Variants in CWF19L2 observed in about 807,000 individuals in gnomAD.
CWF19L2 encodes CWF19 like cell cycle control factor 2.
Under a neutral mutation model 111.7 loss-of-function variants are expected in CWF19L2, and 98 were observed. That is an observed-to-expected ratio of 0.88 (90% CI 0.75 to 1.04). The LOEUF (loss-of-function observed/expected upper bound fraction) is 1.04, where lower values mean the gene tolerates loss of function less well. Among genes scored for constraint, CWF19L2 ranks in the 50% least tolerant of loss-of-function variants. The pLI, the probability that CWF19L2 is intolerant of heterozygous loss-of-function variation, is 0.00. For missense variants in CWF19L2, 1,101 were observed against 1,051.4 expected (o/e 1.05, Z -0.65); for synonymous variants, 351 against 342.9 (o/e 1.02, Z -0.26).
chr11:107,451,606 G>GT (rs1405235109), intron 3 of CWF19L2, among the ~76,000 whole-genome samples: 1 of 152,016 alleles, frequency 6.6e-6, no homozygotes, highest in East Asian at 1.9e-4. Context: ...TGAAAGAGGG[G>GT]TATCACTATG....
chr11:107,441,715 A>G, intron 4 of CWF19L2, 93 bp from the exon 5 acceptor site: 1 of 1,306,582 alleles, frequency 7.7e-7, no homozygotes, highest in Non-Finnish European at 9.8e-7. Context: ...TAATAAGAGC[A>G]GGGACTTTGG....
chr11:107,380,220 G>A (rs995571226), intron 12 of CWF19L2, among the ~76,000 whole-genome samples: 2 of 151,960 alleles, frequency 1.3e-5, no homozygotes, highest in Admixed American at 6.6e-5. Flanking sequence ...AAAATAGACT[G>A]CAGTCTAATT....
intron 10 of CWF19L2, among the ~76,000 whole-genome samples, chr11:107,403,246 T>A (rs1002018682): frequency 1.3e-5 from 2 of 151,368 alleles, no homozygotes; most frequent in Non-Finnish European, 2.9e-5. Context: ...TAAAAAAAAA[T>A]TAAAATTAAA....
intron 15 of CWF19L2, among the ~76,000 whole-genome samples, chr11:107,336,057 T>C (rs1414719668): frequency 6.6e-6 from 1 of 152,018 alleles, no homozygotes; most frequent in African/African-American, 2.4e-5. Flanking sequence ...CCATCTCTAC[T>C]AAAAATACAA....
chr11:107,401,052 C>T (rs914784194), intron 10 of CWF19L2, among the ~76,000 whole-genome samples: 2 of 152,050 alleles, frequency 1.3e-5, no homozygotes, highest in Non-Finnish European at 2.9e-5. Flanking sequence ...AATCAACATA[C>T]AAGGGACATA....
intron 10 of CWF19L2, among the ~76,000 whole-genome samples, chr11:107,407,629 G>A (rs979939471): frequency 1.0e-5 from 1 of 100,316 alleles, no homozygotes; most frequent in African/African-American, 3.7e-5. Context: ...TGAGGAAGGA[G>A]AGAGGCTGCT....
intron 12 of CWF19L2, among the ~76,000 whole-genome samples, chr11:107,361,161 C>T (rs1860327046): frequency 6.6e-6 from 1 of 152,184 alleles, no homozygotes; most frequent in Non-Finnish European, 1.5e-5. Flanking sequence ...TTTCATACTT[C>T]TTCTGCATAG....
At chr11:107,381,767 A>G (rs1860689751) in intron 12 of CWF19L2, among the ~76,000 whole-genome samples, 1 of 152,218 alleles carries the variant, frequency 6.6e-6, no homozygotes, top group Non-Finnish European at 1.5e-5. Context: ...AGTGTATATT[A>G]TTAGAGAAAC....
chr11:107,379,511 C>A (rs1394221671), intron 12 of CWF19L2, among the ~76,000 whole-genome samples: 2 of 152,196 alleles, frequency 1.3e-5, no homozygotes, highest in East Asian at 1.9e-4. Context: ...ATGAAAAGTT[C>A]TTTTGTATCC....
In CWF19L2 at chr11:107,392,771, A is replaced by T; in HGVS notation, c.1734+8T>A. 1 of 1,499,554 alleles carries T rather than the reference A, an allele frequency of 6.7e-7. No homozygotes were observed. Among genetic ancestry groups the T allele is most frequent in the Non-Finnish European group, 9.2e-7 (1 of 1,087,466 alleles). The allele number at this position is 1,499,554 out of a possible 1,614,324, so 92.9% of individuals were successfully genotyped here. Reference sequence around the variant, plus strand: ...GAATTAATAAACAAAGACATATGTTAAACATACCATCTGTCTCTTTCTTCT... The same window carrying T: ...GAATTAATAAACAAAGACATATGTTTAACATACCATCTGTCTCTTTCTTCT... On this transcript the variant is annotated splice_region_variant and intron_variant, in intron 11 of 17. Coordinates refer to ENST00000282251, the MANE Select transcript of CWF19L2 (RefSeq NM_152434.3).
chr11:107,430,129 G>C (rs1426756547), intron 7 of CWF19L2, among the ~76,000 whole-genome samples: 1 of 150,944 alleles, frequency 6.6e-6, no homozygotes, highest in African/African-American at 2.4e-5. Context: ...TTCTCAGAAG[G>C]ACTCATCCAA....
At chr11:107,448,343 C>CAAAAAA (rs61259014) in intron 3 of CWF19L2, among the ~76,000 whole-genome samples, 26 of 54,884 alleles carry the variant, frequency 4.7e-4, no homozygotes, top group Admixed American at 7.7e-4. Context: ...GACTCCGTCA[C>CAAAAAA]AAAAAAAAAA....
chr11:107,343,028 T>A (rs1420743032), intron 14 of CWF19L2, among the ~76,000 whole-genome samples: 2 of 152,132 alleles, frequency 1.3e-5, no homozygotes, highest in African/African-American at 4.8e-5. Flanking sequence ...TTTAGCCCCA[T>A]AAGACTCACT....
At position 107,429,092 on chromosome 11, in the gene CWF19L2, G is replaced by A; in HGVS notation, c.1140C>T (p.His380=). 3 of 1,613,784 alleles carry A rather than the reference G, an allele frequency of 1.9e-6. No individual in the cohort carries two copies. Among genetic ancestry groups the A allele is most frequent in the Non-Finnish European group, 2.5e-6 (3 of 1,179,814 alleles). The part of the protein sequence containing the change: ...RPSDDEELSF[H]SKGRKFEPLS... ...GTGGTTCAAATTTTCTGCCCTTGCT[G>A]TGAAATGACAGTTCTTCATCATCAG... Residue 380 remains histidine (H), a synonymous_variant, in exon 8 of 18, where the codon CAC becomes CAT. Coordinates refer to ENST00000282251, the MANE Select transcript of CWF19L2 (RefSeq NM_152434.3).
chr11:107,410,294 A>G (rs1861138580), intron 10 of CWF19L2, among the ~76,000 whole-genome samples: 1 of 151,918 alleles, frequency 6.6e-6, no homozygotes, highest in Non-Finnish European at 1.5e-5. Context: ...AAAAAAAACC[A>G]CTTTGAAAGG....
intron 3 of CWF19L2, among the ~76,000 whole-genome samples, chr11:107,447,822 T>C (rs1861721823): frequency 6.6e-6 from 1 of 151,910 alleles, no homozygotes; most frequent in African/African-American, 2.4e-5. Context: ...GAAAAATCAT[T>C]TAATTGAAAC....
intron 12 of CWF19L2, among the ~76,000 whole-genome samples, chr11:107,355,169 C>T (rs568151410): frequency 6.6e-6 from 1 of 152,280 alleles, no homozygotes; most frequent in East Asian, 1.9e-4. Context: ...GTAATCCCTG[C>T]ACTTTGGGCA....
At chr11:107,387,747 T>C (rs570830316) in intron 12 of CWF19L2, among the ~76,000 whole-genome samples, 1 of 152,310 alleles carries the variant, frequency 6.6e-6, no homozygotes, top group South Asian at 2.1e-4. Flanking sequence ...ATAGGGTTCA[T>C]GCTCCTATGA....
intron 3 of CWF19L2, 90 bp downstream of exon 3, chr11:107,454,360 C>G: frequency 9.8e-7 from 1 of 1,019,832 alleles, no homozygotes; most frequent in East Asian, 3.2e-5. Flanking sequence ...ATATTTTTTA[C>G]GTTTTCTTGT....
Sources: allele counts gnomAD v4.1 joint callset (sites outside exome capture counted in the v4.1 genomes callset), GRCh38; gene constraint gnomAD v4.1.1; transcripts MANE v1.5; gene names NCBI Gene and HGNC (gene_info 2026-07-23, HGNC 2026-07-21).